CADPS2: variants seen among roughly 807,000 people sequenced by gnomAD.
CADPS2 encodes the protein calcium dependent secretion activator 2.
In CADPS2, 93 loss-of-function variants were observed where a neutral mutation model predicts 172.5. That is an observed-to-expected ratio of 0.54 (90% CI 0.46 to 0.64). The LOEUF (loss-of-function observed/expected upper bound fraction) is 0.64, where lower values mean the gene tolerates loss of function less well. Ranked by LOEUF, CADPS2 falls within the 30% of genes least tolerant of loss-of-function variation. The pLI is 0.00. For synonymous variants in CADPS2, 546 were observed against 555.2 expected (o/e 0.98, Z 0.23); for missense variants, 1,420 against 1,565.9 (o/e 0.91, Z 1.57).
At chr7:122,523,890 C>A (rs1316489290) in intron 8 of CADPS2, among the ~76,000 whole-genome samples, 3 of 152,132 alleles carry the variant, frequency 2.0e-5, no homozygotes, top group South Asian at 2.1e-4. Context: ...TCTACCCCAA[C>A]CAGGCAAACT....
At chr7:122,500,554 C>T (rs1039779741) in intron 9 of CADPS2, among the ~76,000 whole-genome samples, 2 of 152,074 alleles carry the variant, frequency 1.3e-5, no homozygotes, top group African/African-American at 4.8e-5. Flanking sequence ...AGTAAACATC[C>T]CCTCATGCAA....
chr7:122,385,082 C>T (rs1453218537), intron 24 of CADPS2, among the ~76,000 whole-genome samples: 2 of 151,878 alleles, frequency 1.3e-5, no homozygotes, highest in Non-Finnish European at 2.9e-5. Flanking sequence ...TATTCTCAGG[C>T]AGACAATCAA....
At chr7:122,695,042 G>C (rs534994040) in intron 2 of CADPS2, among the ~76,000 whole-genome samples, 1 of 152,254 alleles carries the variant, frequency 6.6e-6, no homozygotes, top group East Asian at 1.9e-4. Context: ...CCTTTGAAAG[G>C]CTCACACTAG....
chr7:122,669,362 T>C (rs1275044381), intron 2 of CADPS2, among the ~76,000 whole-genome samples: 1 of 150,028 alleles, frequency 6.7e-6, no homozygotes, highest in Non-Finnish European at 1.5e-5. Context: ...TATATTTTTT[T>C]TTTTTGAGAA....
chr7:122,754,893 C>A (rs2093095848), intron 1 of CADPS2, among the ~76,000 whole-genome samples: 1 of 152,200 alleles, frequency 6.6e-6, no homozygotes, highest in African/African-American at 2.4e-5. Flanking sequence ...TACTTTTAAA[C>A]ATTTCCAAAT....
Position 122,469,088 on chromosome 7 carries a change from C to T in CADPS2, c.2186+2287G>A, listed in dbSNP as rs776983952. Among the ~76,000 whole-genome samples the T allele has an allele frequency of 3.7e-4, 56 of 152,036 alleles. 1 individual carries two copies. The highest frequency in any genetic ancestry group is 6.6e-5 in the Admixed American group (1 of 15,266). On this transcript the variant is annotated intron_variant, in intron 14 of 29. Coordinates refer to ENST00000449022, the MANE Select transcript of CADPS2 (RefSeq NM_017954.11). ...CCTTGAATTACACATTACAGAGTAT[C>T]GTTATAAAGAAAACAATAGTTTTAC...
chr7:122,619,092 A>G (rs945238198), intron 5 of CADPS2, among the ~76,000 whole-genome samples: 1 of 152,216 alleles, frequency 6.6e-6, no homozygotes. Flanking sequence ...TTGGCAATAA[A>G]GCACAGAATA....
At chr7:122,439,769 AT>A (rs1406265281) in intron 16 of CADPS2, among the ~76,000 whole-genome samples, 1 of 152,218 alleles carries the variant, frequency 6.6e-6, no homozygotes. Context: ...ATAGTAAAAA[AT>A]ATACATGCAC....
chr7:122,390,071 C>T (rs2044180584), intron 22 of CADPS2, among the ~76,000 whole-genome samples: 1 of 152,008 alleles, frequency 6.6e-6, no homozygotes, highest in Non-Finnish European at 1.5e-5. Context: ...TTTCTCTTCT[C>T]ATTCTGCCAG....
At chr7:122,556,045 C>A (rs1164178870) in intron 7 of CADPS2, among the ~76,000 whole-genome samples, 1 of 152,012 alleles carries the variant, frequency 6.6e-6, no homozygotes, top group Non-Finnish European at 1.5e-5. Flanking sequence ...CCTATAAAGC[C>A]ATAGCTGTGT....
chr7:122,453,300 C>T (rs2053368944), intron 14 of CADPS2, among the ~76,000 whole-genome samples: 1 of 152,062 alleles, frequency 6.6e-6, no homozygotes, highest in South Asian at 2.1e-4. Context: ...GCACCATGAG[C>T]TAATACTAAT....
rs559814701 is a variant in CADPS2 at position 122,718,435 on chromosome 7, G to A, written c.453+18520C>T. On this transcript the variant is annotated intron_variant, in intron 2 of 29. Transcript: ENST00000449022. ...GGAGGAAGAAAGATGGGGAGGCTTA[G>A]GGAAAGCAGCCTATAGGATATTGCC... Among the ~76,000 whole-genome samples, 25 of 152,130 alleles carry A rather than the reference G, an allele frequency of 1.6e-4. No individual in the cohort carries two copies. The East Asian group carries it at 4.5e-3, about 27-fold the overall frequency.
rs112412602 is a variant in CADPS2, at chr7:122,449,483, T to C, written c.2288+1891A>G. Among the ~76,000 whole-genome samples, 1,294 of 152,100 alleles carry C rather than the reference T, an allele frequency of 8.5e-3. 8 individuals carry two copies. The highest frequency in any genetic ancestry group is 0.012 in the Admixed American group (188 of 15,268). ...GGCACACACCACCACACCCAGATAA[T>C]TTTTTAGTTTTTCTTTTTTGTAGAG... is the stretch of plus-strand genomic sequence containing the variant. On this transcript the variant is annotated intron_variant, in intron 15 of 29. Coordinates refer to ENST00000449022, the MANE Select transcript of CADPS2 (RefSeq NM_017954.11).
chr7:122,567,143 T>C (rs2066576535), intron 7 of CADPS2, among the ~76,000 whole-genome samples: 1 of 152,124 alleles, frequency 6.6e-6, no homozygotes, highest in African/African-American at 2.4e-5. Context: ...GTTAGTTTTG[T>C]TTCTTAATTA....
intron 1 of CADPS2, among the ~76,000 whole-genome samples, chr7:122,781,937 A>G (rs1409625715): frequency 6.6e-6 from 1 of 152,178 alleles, no homozygotes; most frequent in East Asian, 1.9e-4. Context: ...TGACATTTAC[A>G]TGCTACTGAA....
chr7:122,762,554 G>A lies in CADPS2; in HGVS notation c.340-25486C>T, dbSNP rs563375103. Among the ~76,000 whole-genome samples the A allele has an allele frequency of 1.9e-4, 29 of 152,218 alleles. No individual in the cohort carries two copies. In the South Asian group the frequency reaches 2.1e-3, roughly 11 times the overall value. ...GGAAACTGATTTGCCATTAAAATTC[G>A]TTACCCAGTTAAACTATCAGTTGAG... On this transcript the variant is annotated intron_variant, in intron 1 of 29. Transcript: ENST00000449022.
chr7:122,425,630 T>C (rs2049070933), intron 17 of CADPS2, among the ~76,000 whole-genome samples: 1 of 151,422 alleles, frequency 6.6e-6, no homozygotes, highest in Non-Finnish European at 1.5e-5. Context: ...TTTAGCCATG[T>C]CATATACACA....
At chr7:122,790,026 GTGTTTT>G (rs1794922907) in intron 1 of CADPS2, among the ~76,000 whole-genome samples, 1 of 141,076 alleles carries the variant, frequency 7.1e-6, no homozygotes, top group South Asian at 2.2e-4. Flanking sequence ...CAAATATTAA[GTGTTTT>G]TTTTTTTTTT....
chr7:122,439,862 T>C (rs755752941), intron 16 of CADPS2, among the ~76,000 whole-genome samples: 1 of 152,128 alleles, frequency 6.6e-6, no homozygotes, highest in Non-Finnish European at 1.5e-5. Flanking sequence ...ATACTTCCCA[T>C]GGCAACAAAC....
Sources: gnomAD v4.1 joint callset for allele counts (sites outside exome capture counted in the v4.1 genomes callset) on GRCh38, gnomAD v4.1.1 for gene constraint, MANE v1.5 for transcripts, NCBI Gene and HGNC (gene_info 2026-07-23, HGNC 2026-07-21) for gene names.